ZBTB16: variants seen among roughly 807,000 people sequenced by gnomAD.
ZBTB16 encodes zinc finger and BTB domain-containing protein 16.
Under a neutral mutation model 56.8 loss-of-function variants are expected in ZBTB16, and 8 were observed. That is an observed-to-expected ratio of 0.14 (90% CI 0.08 to 0.25). The LOEUF (loss-of-function observed/expected upper bound fraction) is 0.25, where lower values mean the gene tolerates loss of function less well. Ranked by LOEUF, ZBTB16 falls within the 10% of genes least tolerant of loss-of-function variation. The pLI is 1.00. For missense variants in ZBTB16, 625 were observed against 903.0 expected (o/e 0.69, Z 3.95); for synonymous variants, 363 against 368.5 (o/e 0.98, Z 0.17).
intron 3 of ZBTB16, among the ~76,000 whole-genome samples, chr11:114,186,029 G>T (rs1442050801): frequency 6.6e-6 from 1 of 152,188 alleles, no homozygotes; most frequent in Non-Finnish European, 1.5e-5. Context: ...CTTACGGTGT[G>T]GTGAGAGAGA....
At chr11:114,079,041 C>T (rs1046979912) in intron 2 of ZBTB16, among the ~76,000 whole-genome samples, 2 of 150,156 alleles carry the variant, frequency 1.3e-5, no homozygotes, top group African/African-American at 4.9e-5. Context: ...TTGAAGGAGG[C>T]GGAGGTTGCA....
chr11:114,161,032 T>G (rs1446140768), intron 3 of ZBTB16, among the ~76,000 whole-genome samples: 2 of 152,196 alleles, frequency 1.3e-5, no homozygotes, highest in Non-Finnish European at 2.9e-5. Flanking sequence ...CTTACCCCTT[T>G]TGGGGATCTG....
At position 114,247,001 on chromosome 11, in the gene ZBTB16, A is replaced by G. The variant is rs1944828427; in HGVS notation, c.1625-197A>G. 5.9e-6 allele frequency: 4 copies of G among 676,916 alleles called. No homozygotes were observed. The East Asian group carries it at 1.1e-4, about 19-fold the overall frequency. 41.9% of individuals were successfully genotyped at this position (676,916 alleles called of 1,614,324 possible). On this transcript the variant is annotated intron_variant, in intron 5 of 6. Coordinates refer to ENST00000335953, the MANE Select transcript of ZBTB16 (RefSeq NM_006006.6). ...TTGCCCCACAGATGATCATGGGGCC[A>G]CAGTAAAGTATGGTCATGTGTGAAG... is the stretch of plus-strand genomic sequence containing the variant.
In ZBTB16 at chr11:114,060,058, T is replaced by TG. The variant is rs1413600573; in HGVS notation, c.-91+181dup. 2.0e-5 allele frequency among the ~76,000 whole-genome samples: 3 copies of TG among 152,056 alleles called. No individual in the cohort carries two copies. Among genetic ancestry groups the TG allele is most frequent in the Admixed American group, 1.3e-4 (2 of 15,284 alleles). On this transcript the variant is annotated intron_variant, in intron 1 of 6. Coordinates refer to ENST00000335953, the MANE Select transcript of ZBTB16 (RefSeq NM_006006.6). This position sits in a 1 kb window ranked among gnomAD's most constrained non-coding sequence, Gnocchi z 6.0. ...CGCTGCAGCCGTCGCCGCCACCGGTTGGGGGTCGGCTAGAAGGGGGAGCCC... is the reference window on the plus strand; with the variant it reads ...CGCTGCAGCCGTCGCCGCCACCGGTTGGGGGGTCGGCTAGAAGGGGGAGCCC...
At chr11:114,189,743 C>A (rs1352757778) in intron 4 of ZBTB16, 3 of 146,162 alleles carry the variant, frequency 2.1e-5, no homozygotes, top group East Asian at 2.0e-4. Flanking sequence ...TCCAGCCTGG[C>A]GTCAGAGTGA....
At chr11:114,164,368 C>T (rs1255152235) in intron 3 of ZBTB16, among the ~76,000 whole-genome samples, 4 of 152,318 alleles carry the variant, frequency 2.6e-5, no homozygotes, top group African/African-American at 2.4e-5. Flanking sequence ...TAGAGGATGA[C>T]GGTCTTATTA....
intron 2 of ZBTB16, among the ~76,000 whole-genome samples, chr11:114,129,844 A>G (rs184403659): frequency 2.4e-4 from 36 of 152,314 alleles, no homozygotes; most frequent in African/African-American, 7.2e-4. Flanking sequence ...GCCAGCACAG[A>G]ATATGGGCTT....
intron 2 of ZBTB16, among the ~76,000 whole-genome samples, chr11:114,119,542 G>T (rs186590043): frequency 6.6e-5 from 10 of 152,110 alleles, no homozygotes; most frequent in Non-Finnish European, 1.5e-5. Context: ...GAGAAAGTAC[G>T]ACAGGTGCTG....
At position 114,063,289 on chromosome 11, in the gene ZBTB16, G is replaced by A. The variant is rs548119641; in HGVS notation, c.-12G>A. 4.6e-5 allele frequency: 75 copies of A among 1,613,344 alleles called. No homozygotes were observed. The highest frequency in any genetic ancestry group is 3.5e-4 in the South Asian group (32 of 91,006). ...GGAAAGAAAGCCTCATGCCTGAGCC[G>A]AGGGGAGCACCATGGATCTGACAAA... On this transcript the variant is annotated 5_prime_UTR_variant, in exon 2 of 7. Transcript: ENST00000335953. The surrounding 1 kb of genome is among the most constrained non-coding windows in gnomAD (Gnocchi z 6.5).
chr11:114,248,704 A>C (rs192058810), intron 6 of ZBTB16, among the ~76,000 whole-genome samples: 1 of 152,246 alleles, frequency 6.6e-6, no homozygotes, highest in Admixed American at 6.5e-5. Flanking sequence ...GTGTTGTCAG[A>C]GCTCGTTTTT....
chr11:114,166,446 C>T lies in ZBTB16; in HGVS notation c.1366+10012C>T, dbSNP rs1231857441. On this transcript the variant is annotated intron_variant, in intron 3 of 6. Coordinates refer to ENST00000335953, the MANE Select transcript of ZBTB16 (RefSeq NM_006006.6). ...GTCTCCTAGAAATCGGGGACACAGTCCTAATCAGAACACCATGTGTGCATG... is the reference window on the plus strand; with the variant it reads ...GTCTCCTAGAAATCGGGGACACAGTTCTAATCAGAACACCATGTGTGCATG... Among the ~76,000 whole-genome samples the T allele has an allele frequency of 2.0e-5, 3 of 151,892 alleles. No homozygotes were observed. The East Asian group carries it at 5.8e-4, about 29-fold the overall frequency.
intron 3 of ZBTB16, among the ~76,000 whole-genome samples, chr11:114,159,653 T>C (rs1223239803): frequency 6.6e-6 from 1 of 152,022 alleles, no homozygotes; most frequent in Admixed American, 6.6e-5. Context: ...GGAGTTGGGG[T>C]CAGAGGGCTG....
chr11:114,094,640 C>T (rs1940313268), intron 2 of ZBTB16, among the ~76,000 whole-genome samples: 1 of 152,188 alleles, frequency 6.6e-6, no homozygotes, highest in Admixed American at 6.5e-5. Flanking sequence ...TGCTAGTGGT[C>T]CACACAGTGC....
intron 2 of ZBTB16, among the ~76,000 whole-genome samples, chr11:114,138,017 C>G (rs1941841478): frequency 6.6e-6 from 1 of 152,174 alleles, no homozygotes; most frequent in South Asian, 2.1e-4. Context: ...CTGTGGGGCC[C>G]TTGGGGCAGA....
chr11:114,167,241 T>TTTG (rs1565663230), intron 3 of ZBTB16, among the ~76,000 whole-genome samples: 2 of 137,760 alleles, frequency 1.5e-5, no homozygotes, highest in South Asian at 2.5e-4. Flanking sequence ...GGTTTTTTTT[T>TTTG]TTTTTTTTTT....
intron 4 of ZBTB16, among the ~76,000 whole-genome samples, chr11:114,207,997 C>T (rs1021105030): frequency 2.6e-5 from 4 of 152,214 alleles, no homozygotes; most frequent in African/African-American, 9.6e-5. Context: ...GATCCACCCA[C>T]TTCGGCCTCC....
At chr11:114,176,003 G>C (rs532229788) in intron 3 of ZBTB16, among the ~76,000 whole-genome samples, 1 of 150,720 alleles carries the variant, frequency 6.6e-6, no homozygotes, top group African/African-American at 2.5e-5. Flanking sequence ...GTGTGTGTGC[G>C]TGCGTGTGTG....
chr11:114,099,796 GA>G (rs57862786), intron 2 of ZBTB16, among the ~76,000 whole-genome samples: 1 of 152,130 alleles, frequency 6.6e-6, no homozygotes, highest in African/African-American at 2.4e-5. Flanking sequence ...GGATTCAGTA[GA>G]AAAAAATACA....
chr11:114,141,180 T>C (rs922774985), intron 2 of ZBTB16, among the ~76,000 whole-genome samples: 2 of 152,220 alleles, frequency 1.3e-5, no homozygotes, highest in African/African-American at 4.8e-5. Context: ...TTGGCTCATG[T>C]GATGCCTCCA....
Sources: allele counts gnomAD v4.1 joint callset (sites outside exome capture counted in the v4.1 genomes callset), GRCh38; gene constraint gnomAD v4.1.1; non-coding constraint Gnocchi (gnomAD v3.1); transcripts MANE v1.5; gene names NCBI Gene and HGNC (gene_info 2026-07-23, HGNC 2026-07-21).